The following SLC7A5 variants were observed in gnomAD, a reference collection of about 807,000 sequenced individuals.
SLC7A5 encodes the protein large neutral amino acids transporter small subunit 1.
SLC7A5 carries 23 observed loss-of-function variants against 50.2 expected under a neutral mutation model. The observed-to-expected ratio is 0.46, with a 90% confidence interval of 0.33 to 0.65. The LOEUF (loss-of-function observed/expected upper bound fraction) is 0.65, where lower values mean the gene tolerates loss of function less well. SLC7A5 is among the 30% of genes least tolerant of loss of function. SLC7A5 has a pLI of 0.02. For missense variants in SLC7A5, 578 were observed against 684.4 expected (o/e 0.84, Z 1.73); for synonymous variants, 393 against 330.6 (o/e 1.19, Z -2.05).
chr16:87,842,177 G>C (rs1438237622), intron 2 of SLC7A5, among the ~76,000 whole-genome samples: 1 of 152,214 alleles, frequency 6.6e-6, no homozygotes, highest in Non-Finnish European at 1.5e-5. Flanking sequence ...ATATACAGCT[G>C]GAGGCACAAG....
At chr16:87,848,401 C>A (rs749292118) in intron 2 of SLC7A5, among the ~76,000 whole-genome samples, 2 of 152,232 alleles carry the variant, frequency 1.3e-5, no homozygotes, top group Non-Finnish European at 2.9e-5. Flanking sequence ...GCCCTGCAGG[C>A]GAAGGCCCAG....
chr16:87,846,599 C>T (rs1258049577), intron 2 of SLC7A5, among the ~76,000 whole-genome samples: 3 of 152,190 alleles, frequency 2.0e-5, no homozygotes, highest in African/African-American at 7.2e-5. Context: ...AGACAGCTCA[C>T]TCTCCCACAA....
chr16:87,833,660 G>A lies in SLC7A5; in HGVS notation c.1469-635C>T, dbSNP rs1241734131. On this transcript the variant is annotated intron_variant, in intron 9 of 9. Transcript: ENST00000261622. The surrounding 1 kb of genome is among the most constrained non-coding windows in gnomAD (Gnocchi z 6.0). Reference sequence around the variant, plus strand: ...GTAGGGGTGGGGGGTCTCCCTGCCTGTGTTGCTGCCATCCCGGGAATTCTC... The same window carrying A: ...GTAGGGGTGGGGGGTCTCCCTGCCTATGTTGCTGCCATCCCGGGAATTCTC... Among the ~76,000 whole-genome samples the A allele has an allele frequency of 6.6e-6, 1 of 152,120 alleles. No homozygotes were observed. The highest frequency in any genetic ancestry group is 1.5e-5 in the Non-Finnish European group (1 of 68,018).
chr16:87,849,773 A>G (rs1017830387), intron 2 of SLC7A5, among the ~76,000 whole-genome samples: 4 of 152,106 alleles, frequency 2.6e-5, no homozygotes, highest in Non-Finnish European at 5.9e-5. Flanking sequence ...ACTTCCTGCC[A>G]GCCCTGTCCT....
chr16:87,867,579 G>C (rs1415321965), intron 1 of SLC7A5, among the ~76,000 whole-genome samples: 1 of 151,846 alleles, frequency 6.6e-6, no homozygotes, highest in Non-Finnish European at 1.5e-5. Flanking sequence ...CCAAAGTACG[G>C]TGTGGCAGAA....
At position 87,869,100 on chromosome 16, in the gene SLC7A5, G is replaced by C. The variant is rs763815957; in HGVS notation, c.323C>G (p.Thr108Ser). 29 of 1,611,708 alleles carry C rather than the reference G, an allele frequency of 1.8e-5. No homozygotes were observed. Among genetic ancestry groups the C allele is most frequent in the Non-Finnish European group, 4.2e-6 (5 of 1,179,784 alleles). Residue 108 changes from threonine (T) to serine (S), a missense_variant, in exon 1 of 10, where the codon ACC becomes AGC. By Grantham distance (58) the Thr-to-Ser change is moderately conservative (BLOSUM62 1). Around this residue, in one of 2 missense-constraint regions of SLC7A5, gnomAD observed 465 missense variants for 594.6 expected, o/e 0.78. Coordinates refer to ENST00000261622, the MANE Select transcript of SLC7A5 (RefSeq NM_003486.7). ...VGALCYAELGTTISKSGGDYA... is the reference protein window; with the variant it reads ...VGALCYAELGSTISKSGGDYA... ...GTCGCCGCCCGATTTGGAGATGGTG[G>C]TGCCGAGCTCCGCGTAGCAGAGCGC...
chr16:87,853,721 G>A lies in SLC7A5; in HGVS notation c.539-1872C>T, dbSNP rs2055269607. Among the ~76,000 whole-genome samples the A allele has an allele frequency of 6.6e-6, 1 of 152,204 alleles. No individual in the cohort carries two copies. Among genetic ancestry groups the A allele is most frequent in the Admixed American group, 6.5e-5 (1 of 15,286 alleles). On this transcript the variant is annotated intron_variant, in intron 1 of 9. Coordinates refer to ENST00000261622, the MANE Select transcript of SLC7A5 (RefSeq NM_003486.7). This position sits in a 1 kb window ranked among gnomAD's most constrained non-coding sequence, Gnocchi z 4.4. ...TAGCCGGCTTCTGGAGAGCTTTCTGGATTCGCAAGAGGCCGGCTGATTGCA... is the reference window on the plus strand; with the variant it reads ...TAGCCGGCTTCTGGAGAGCTTTCTGAATTCGCAAGAGGCCGGCTGATTGCA...
chr16:87,841,874 C>T lies in SLC7A5; in HGVS notation c.665-719G>A, dbSNP rs929521583. ...AAAACTTGAACTTCAGTCACATCTG[C>T]GAAGACCCTTTTTCCAAATAAGGCC... On this transcript the variant is annotated intron_variant, in intron 2 of 9. Coordinates refer to ENST00000261622, the MANE Select transcript of SLC7A5 (RefSeq NM_003486.7). The surrounding 1 kb of genome is among the most constrained non-coding windows in gnomAD (Gnocchi z 4.8). 1.3e-5 allele frequency among the ~76,000 whole-genome samples: 2 copies of T among 152,218 alleles called. No homozygotes were observed. The highest frequency in any genetic ancestry group is 2.4e-5 in the African/African-American group (1 of 41,468).
intron 3 of SLC7A5, 72 bp downstream of exon 3, chr16:87,840,978 G>T: frequency 9.5e-7 from 1 of 1,049,404 alleles, no homozygotes; most frequent in Non-Finnish European, 1.5e-6. Context: ...ATGGCTGGGA[G>T]ATTTGGGATT....
At chr16:87,866,195 T>C (rs1382819163) in intron 1 of SLC7A5, among the ~76,000 whole-genome samples, 1 of 152,030 alleles carries the variant, frequency 6.6e-6, no homozygotes, top group Admixed American at 6.5e-5. Context: ...CCTGGGAACA[T>C]GGCAAAACCA....
chr16:87,840,906 C>G (rs1375881687), intron 3 of SLC7A5, 144 bp downstream of exon 3: 1 of 691,496 alleles, frequency 1.4e-6, no homozygotes, highest in African/African-American at 1.8e-5. Context: ...TCACCTGCCA[C>G]TCTTTAACTG....
chr16:87,840,534 G>T, intron 3 of SLC7A5, 61 bp from the exon 4 acceptor site: 2 of 1,402,076 alleles, frequency 1.4e-6, no homozygotes, highest in Non-Finnish European at 1.0e-6. Context: ...TAAATCACCG[G>T]GGAGAGAGCA....
In SLC7A5 at chr16:87,852,855, A is replaced by G. The variant is rs2055255457; in HGVS notation, c.539-1006T>C. ...CCCCCACAACTTAAAATGAAGTAAA[A>G]TCATATTAATCCCGAGGCACTGACT... On this transcript the variant is annotated intron_variant, in intron 1 of 9. Transcript: ENST00000261622. The surrounding 1 kb of genome is among the most constrained non-coding windows in gnomAD (Gnocchi z 4.5). 6.6e-6 allele frequency among the ~76,000 whole-genome samples: 1 copy of G among 151,834 alleles called. No homozygotes were observed. The highest frequency in any genetic ancestry group is 2.1e-4 in the South Asian group (1 of 4,808).
At position 87,853,563 on chromosome 16, in the gene SLC7A5, G is replaced by T. The variant is rs1264052165; in HGVS notation, c.539-1714C>A. Among the ~76,000 whole-genome samples, 1 of 152,206 alleles carries T rather than the reference G, an allele frequency of 6.6e-6. No individual in the cohort carries two copies. On this transcript the variant is annotated intron_variant, in intron 1 of 9. Coordinates refer to ENST00000261622, the MANE Select transcript of SLC7A5 (RefSeq NM_003486.7). The surrounding 1 kb of genome is among the most constrained non-coding windows in gnomAD (Gnocchi z 4.4). ...TCTCCAGTCCAACCCTCAGGGCTCA[G>T]CAGGGTCAGGTCAGTGGGTCTAGGC...
rs1387574309 is a variant in SLC7A5 at position 87,834,532 on chromosome 16, G to A, written c.1350C>T (p.Ser450=). Reference sequence around the variant, plus strand: ...CACACTCCACGGGTGTCTTCCAGAAGGAGACGGCGATCAGGAAGAGGCAGG... The same window carrying A: ...CACACTCCACGGGTGTCTTCCAGAAAGAGACGGCGATCAGGAAGAGGCAGG... ...ILACLFLIAV[S]FWKTPVECGI... Residue 450 remains serine, a synonymous_variant, in exon 9 of 10, where the codon TCC becomes TCT. Transcript: ENST00000261622. 1.3e-6 allele frequency: 2 copies of A among 1,599,078 alleles called. No individual in the cohort carries two copies. The highest frequency in any genetic ancestry group is 1.1e-5 in the South Asian group (1 of 87,842).
rs1289768306 is a variant in SLC7A5, at chr16:87,832,801, C to A, written c.*169G>T. 1 of 671,978 alleles carries A rather than the reference C, an allele frequency of 1.5e-6. No homozygotes were observed. 41.6% of individuals were successfully genotyped at this position (671,978 alleles called of 1,614,324 possible). ...TGGCCCTCAGTTGAGGGATGAGATTCGTACCAGAGTTTTCACAGCAGCCTC... is the reference window on the plus strand; with the variant it reads ...TGGCCCTCAGTTGAGGGATGAGATTAGTACCAGAGTTTTCACAGCAGCCTC... On this transcript the variant is annotated 3_prime_UTR_variant, in exon 10 of 10. Transcript: ENST00000261622. This position sits in a 1 kb window ranked among gnomAD's most constrained non-coding sequence, Gnocchi z 4.6.
chr16:87,840,571 C>G (rs942766098), intron 3 of SLC7A5, 98 bp from the exon 4 acceptor site: 12 of 1,060,228 alleles, frequency 1.1e-5, no homozygotes, highest in Middle Eastern at 2.0e-4. Context: ...GAGCCTGCCC[C>G]CCGGTGGTCT....
chr16:87,849,781 C>T (rs899389756), intron 2 of SLC7A5, among the ~76,000 whole-genome samples: 1 of 152,092 alleles, frequency 6.6e-6, no homozygotes, highest in African/African-American at 2.4e-5. Context: ...CCAGCCCTGT[C>T]CTGCCAGCTC....
At chr16:87,863,994 T>TATATATATATATATAC (rs2055430698) in intron 1 of SLC7A5, among the ~76,000 whole-genome samples, 2 of 135,820 alleles carry the variant, frequency 1.5e-5, no homozygotes, top group South Asian at 2.3e-4. Flanking sequence ...AAAATATATA[T>TATATATATATATATAC]ATATATATAT....
Sources: allele counts gnomAD v4.1 joint callset (sites outside exome capture counted in the v4.1 genomes callset), GRCh38; gene constraint gnomAD v4.1.1; regional missense constraint gnomAD v4.1.1; non-coding constraint Gnocchi (gnomAD v3.1); transcripts MANE v1.5; gene names NCBI Gene and HGNC (gene_info 2026-07-23, HGNC 2026-07-21).